PEBP4: variants seen among roughly 807,000 people sequenced by gnomAD.
PEBP4 encodes the protein phosphatidylethanolamine binding protein 4.
PEBP4 carries 22 observed loss-of-function variants against 23.9 expected under a neutral mutation model. The observed-to-expected ratio is 0.92, with a 90% CI of 0.66 to 1.31. PEBP4 has a LOEUF of 1.31. Ranked by LOEUF, PEBP4 falls within the 40% of genes most tolerant of loss-of-function variation. The probability of loss-of-function intolerance (pLI) is 0.00; values close to 1 mark genes in which losing one functional copy is unlikely to be tolerated. For synonymous variants in PEBP4, 112 were observed against 99.3 expected, an observed-to-expected ratio of 1.13 and a Z score of -0.76; for missense variants, 324 against 281.7, an observed-to-expected ratio of 1.15 and a Z score of -1.07.
chr8:22,830,287 G>A lies in PEBP4; in HGVS notation c.259-12552C>T, dbSNP rs112137905. On this transcript the variant is annotated intron_variant, in intron 3 of 6. Transcript: ENST00000256404. The stretch of plus-strand genomic sequence containing the variant: ...TAGGATTACAGGTGCGCACCACCAC[G>A]CCTGGCTAATTTTTGTGTGTGTGTG... 8.6e-5 allele frequency among the ~76,000 whole-genome samples: 13 copies of A among 150,826 alleles called. 1 individual carries two copies. Among genetic ancestry groups the A allele is most frequent in the East Asian group, 1.9e-4 (1 of 5,130 alleles).
intron 3 of PEBP4, among the ~76,000 whole-genome samples, chr8:22,873,823 C>CG (rs1404513285): frequency 6.6e-6 from 1 of 151,900 alleles, no homozygotes; most frequent in Non-Finnish European, 1.5e-5. Flanking sequence ...ATCGGGAGGT[C>CG]GGGGGGAGTC....
At chr8:22,816,734 A>G (rs533836771) in intron 4 of PEBP4, among the ~76,000 whole-genome samples, 3 of 152,320 alleles carry the variant, frequency 2.0e-5, no homozygotes, top group Admixed American at 2.0e-4. Flanking sequence ...ACTATCTTAC[A>G]GAGTTGATGC....
intron 6 of PEBP4, among the ~76,000 whole-genome samples, chr8:22,718,541 C>T (rs1804457113): frequency 6.6e-6 from 1 of 152,210 alleles, no homozygotes; most frequent in African/African-American, 2.4e-5. Context: ...CAGTTCCCAG[C>T]CTGGGTGCCT....
chr8:22,754,206 C>T (rs1805328213), intron 4 of PEBP4, among the ~76,000 whole-genome samples: 1 of 152,154 alleles, frequency 6.6e-6, no homozygotes, highest in African/African-American at 2.4e-5. Context: ...CCTGGCCGCC[C>T]CACCCACAGG....
In PEBP4 at chr8:22,815,353, T is replaced by C. The variant is rs903983477; in HGVS notation, c.357+2284A>G. Reference sequence around the variant, plus strand: ...GAAGTTCTGCGGGTGGGGTAGTGCCTAGGCAGCTGCATTTTAACAAGCTCG... The same window carrying C: ...GAAGTTCTGCGGGTGGGGTAGTGCCCAGGCAGCTGCATTTTAACAAGCTCG... On this transcript the variant is annotated intron_variant, in intron 4 of 6. Coordinates refer to ENST00000256404, the MANE Select transcript of PEBP4 (RefSeq NM_144962.3). Among the ~76,000 whole-genome samples, 3 of 152,196 alleles carry C rather than the reference T, an allele frequency of 2.0e-5. No individual in the cohort carries two copies. In the East Asian group the frequency reaches 5.8e-4, roughly 29 times the overall value.
At chr8:22,727,321 GAGAGGAAGGAGGATGGGAGA>G (rs1018231312) in intron 4 of PEBP4, 101 bp from the exon 5 acceptor site, 8 of 1,103,132 alleles carry the variant, frequency 7.3e-6, no homozygotes, top group Middle Eastern at 2.1e-4. Context: ...AGGAGGATGG[GAGAGGAAGGAGGATGGGAGA>G]AGAAGTAGGA....
At chr8:22,825,897 C>G (rs1266327758) in intron 3 of PEBP4, among the ~76,000 whole-genome samples, 4 of 152,158 alleles carry the variant, frequency 2.6e-5, no homozygotes, top group Non-Finnish European at 5.9e-5. Flanking sequence ...GTGGATAAAC[C>G]TTGAGGTTAT....
intron 6 of PEBP4, among the ~76,000 whole-genome samples, chr8:22,720,178 G>A (rs949777906): frequency 7.0e-4 from 106 of 152,366 alleles, no homozygotes; most frequent in South Asian, 6.2e-4. Flanking sequence ...AGTGGCAAGT[G>A]ATTTAGAAAT....
At chr8:22,909,947 G>T (rs981104171) in intron 3 of PEBP4, among the ~76,000 whole-genome samples, 3 of 152,210 alleles carry the variant, frequency 2.0e-5, no homozygotes, top group African/African-American at 7.2e-5. Context: ...TGGGAAAAAG[G>T]CTACAGCCAG....
At chr8:22,926,886 G>T (rs1302410180) in intron 2 of PEBP4, among the ~76,000 whole-genome samples, 1 of 152,180 alleles carries the variant, frequency 6.6e-6, no homozygotes, top group Non-Finnish European at 1.5e-5. Flanking sequence ...CCCCTCCTCA[G>T]CCACCAAACT....
At chr8:22,746,810 G>C (rs1805129625) in intron 4 of PEBP4, among the ~76,000 whole-genome samples, 1 of 152,182 alleles carries the variant, frequency 6.6e-6, no homozygotes, top group South Asian at 2.1e-4. Flanking sequence ...TTGTACTATA[G>C]AGTAGCTGCC....
chr8:22,749,968 G>GCCCA (rs1805217633), intron 4 of PEBP4, among the ~76,000 whole-genome samples: 1 of 150,606 alleles, frequency 6.6e-6, no homozygotes, highest in Non-Finnish European at 1.5e-5. Context: ...CACCATGTGG[G>GCCCA]GCTAATTTTG....
intron 4 of PEBP4, among the ~76,000 whole-genome samples, chr8:22,744,924 A>T (rs1319954443): frequency 6.6e-6 from 1 of 152,172 alleles, no homozygotes; most frequent in African/African-American, 2.4e-5. Context: ...GGAGAGGTTA[A>T]TGACTTGCCG....
At chr8:22,934,384 T>C (rs1203733636) in intron 1 of PEBP4, among the ~76,000 whole-genome samples, 1 of 152,198 alleles carries the variant, frequency 6.6e-6, no homozygotes, top group Non-Finnish European at 1.5e-5. Context: ...AATTAGATCA[T>C]TATAACTTTA....
chr8:22,892,437 C>T lies in PEBP4; in HGVS notation c.258+27747G>A, dbSNP rs555247157. On this transcript the variant is annotated intron_variant, in intron 3 of 6. Transcript: ENST00000256404. ...TACCTCTGGTAGGCCAGTTTGGTGG[C>T]TTCATTCCTGGTGGAATAATTCCTG... Among the ~76,000 whole-genome samples the T allele has an allele frequency of 8.1e-4, 123 of 152,292 alleles. 1 individual carries two copies. The highest frequency in any genetic ancestry group is 1.5e-3 in the Non-Finnish European group (104 of 68,024).
rs77559583 is a variant in PEBP4 at position 22,871,175 on chromosome 8, C to T, written c.258+49009G>A. 7.4e-3 allele frequency among the ~76,000 whole-genome samples: 1,127 copies of T among 152,206 alleles called. 20 individuals are homozygous for T. Among genetic ancestry groups the T allele is most frequent in the African/African-American group, 0.025 (1,054 of 41,526 alleles). The stretch of plus-strand genomic sequence containing the variant: ...CAGGAAGAGCTGGGATAGGTGACCC[C>T]GGAAAGCAGGAGCAAGAGTCCAGCC... On this transcript the variant is annotated intron_variant, in intron 3 of 6. Transcript: ENST00000256404.
intron 1 of PEBP4, among the ~76,000 whole-genome samples, chr8:22,939,063 G>A (rs996624755): frequency 1.3e-5 from 2 of 152,104 alleles, no homozygotes; most frequent in Non-Finnish European, 2.9e-5. Flanking sequence ...TGACCAATTT[G>A]AAAATTGTCT....
At chr8:22,926,036 C>T (rs917951900) in intron 2 of PEBP4, among the ~76,000 whole-genome samples, 7 of 152,150 alleles carry the variant, frequency 4.6e-5, no homozygotes, top group Non-Finnish European at 7.4e-5. Flanking sequence ...AGTGCAGTGG[C>T]GCAATCTCGG....
chr8:22,903,690 C>T (rs892925607), intron 3 of PEBP4, among the ~76,000 whole-genome samples: 1 of 151,180 alleles, frequency 6.6e-6, no homozygotes, highest in African/African-American at 2.4e-5. Flanking sequence ...GTAGCTGCCT[C>T]GATCTATAAA....
Sources: allele counts gnomAD v4.1 joint callset (sites outside exome capture counted in the v4.1 genomes callset), GRCh38; gene constraint gnomAD v4.1.1; transcripts MANE v1.5; gene names NCBI Gene and HGNC (gene_info 2026-07-23, HGNC 2026-07-21).